TGM4: variants seen among roughly 807,000 people sequenced by gnomAD.
TGM4 encodes protein-glutamine gamma-glutamyltransferase 4.
A neutral mutation model predicts 76.3 loss-of-function variants in TGM4; 61 were observed. The observed-to-expected ratio is 0.80, with a 90% CI of 0.65 to 0.99. The LOEUF is 0.99. Ranked by LOEUF, TGM4 falls within the 50% of genes least tolerant of loss-of-function variation. TGM4 has a pLI of 0.00. For missense variants in TGM4, 794 were observed against 843.2 expected (o/e 0.94, Z 0.72); for synonymous variants, 337 against 329.8 (o/e 1.02, Z -0.24).
At chr3:44,887,000 G>A (rs1439992864) in intron 2 of TGM4, among the ~76,000 whole-genome samples, 2 of 152,216 alleles carry the variant, frequency 1.3e-5, no homozygotes, top group Non-Finnish European at 2.9e-5. Context: ...CATGTGAAGA[G>A]CTGAGAGCAG....
intron 1 of TGM4, among the ~76,000 whole-genome samples, chr3:44,883,017 T>C (rs1699554152): frequency 6.6e-6 from 1 of 152,188 alleles, no homozygotes; most frequent in South Asian, 2.1e-4. Flanking sequence ...TGCTTCCTGG[T>C]ACCAAAACCT....
intron 10 of TGM4, among the ~76,000 whole-genome samples, chr3:44,907,628 C>G (rs1238055593): frequency 1.3e-5 from 2 of 152,212 alleles, no homozygotes; most frequent in Non-Finnish European, 2.9e-5. Flanking sequence ...GAGCTGGCCT[C>G]TGGCTCCCTT....
At position 44,903,944 on chromosome 3, in the gene TGM4, C is replaced by T. The variant is rs199858526; in HGVS notation, c.1032C>T (p.Asp344=). 62 of 1,614,146 alleles carry T rather than the reference C, an allele frequency of 3.8e-5. No homozygotes were observed. In the East Asian group the frequency reaches 6.9e-4, roughly 18 times the overall value. ...MKRPDLPKGY[D]GWQAVDATPQ... ...GACCGGATCTGCCCAAGGGCTACGACGGCTGGCAGGCTGTGGACGCAACGC... is the reference window on the plus strand; with the variant it reads ...GACCGGATCTGCCCAAGGGCTACGATGGCTGGCAGGCTGTGGACGCAACGC... The change falls in exon 9 of 14, where the codon GAC becomes GAT. Residue 344 remains aspartate, a synonymous_variant. Transcript: ENST00000296125.
chr3:44,906,894 G>T, intron 9 of TGM4, 55 bp from the exon 10 acceptor site: 1 of 1,598,232 alleles, frequency 6.3e-7, no homozygotes, highest in South Asian at 1.1e-5. Context: ...ACTGGGTCCA[G>T]GCTGGGTGGG....
chr3:44,910,335 G>A lies in TGM4; in HGVS notation c.1573G>A (p.Asp525Asn), dbSNP rs1215594934. Residue 525 changes from aspartate to asparagine, a missense_variant, in exon 11 of 14, where the codon GAC becomes AAC. By Grantham distance (23) the Asp-to-Asn change is conservative. Transcript: ENST00000296125. Reference protein sequence around the residue: ...YTGKKMAKLCDLNKTSQIQGQ... With the variant: ...YTGKKMAKLCNLNKTSQIQGQ... The stretch of plus-strand genomic sequence containing the variant: ...TGGCAAGAAGATGGCAAAACTGTGT[G>A]ACCTCAATAAGACCTCGCAGATCCA... The A allele has an allele frequency of 7.4e-6, 12 of 1,614,034 alleles. No individual in the cohort carries two copies. The highest frequency in any genetic ancestry group is 1.0e-5 in the Non-Finnish European group (12 of 1,180,046).
At chr3:44,905,249 G>T (rs940650337) in intron 9 of TGM4, among the ~76,000 whole-genome samples, 5 of 151,580 alleles carry the variant, frequency 3.3e-5, no homozygotes, top group African/African-American at 1.2e-4. Flanking sequence ...GCCTCCCAAA[G>T]TGCCGGGATT....
intron 6 of TGM4, among the ~76,000 whole-genome samples, chr3:44,897,250 C>T (rs935022705): frequency 1.3e-5 from 2 of 151,908 alleles, no homozygotes; most frequent in African/African-American, 2.4e-5. Context: ...GTGATCCACC[C>T]GCCTCGGACT....
intron 6 of TGM4, among the ~76,000 whole-genome samples, chr3:44,900,025 C>G (rs763788487): frequency 3.3e-5 from 5 of 152,222 alleles, no homozygotes; most frequent in Non-Finnish European, 7.3e-5. Flanking sequence ...TGGGGACCAT[C>G]TCGGTGACTG....
intron 10 of TGM4, among the ~76,000 whole-genome samples, chr3:44,908,757 C>T (rs2089340): frequency 0.56 from 84,879 of 151,866 alleles, 24,566 homozygotes; most frequent in East Asian, 0.89. Context: ...TGAATATATT[C>T]AAAATAGCTA....
At chr3:44,888,688 T>A (rs899605145) in intron 3 of TGM4, 4 of 152,066 alleles carry the variant, frequency 2.6e-5, no homozygotes, top group Non-Finnish European at 5.9e-5. Context: ...ATAACACACA[T>A]AAAGGACACA....
intron 8 of TGM4, among the ~76,000 whole-genome samples, chr3:44,902,295 G>A (rs1326499241): frequency 6.6e-6 from 1 of 152,144 alleles, no homozygotes; most frequent in East Asian, 1.9e-4. Context: ...AATCACCTGG[G>A]GGTGATTGTT....
At position 44,877,712 on chromosome 3, in the gene TGM4, T is replaced by G. The variant is rs542031367; in HGVS notation, c.19+3015T>G. On this transcript the variant is annotated intron_variant, in intron 1 of 13. Transcript: ENST00000296125. ...AGCTTTAAAAAGGCATCTTCTCATCTTTTTGTAGGAGTATCACTGGTGCAG... is the reference window on the plus strand; with the variant it reads ...AGCTTTAAAAAGGCATCTTCTCATCGTTTTGTAGGAGTATCACTGGTGCAG... Among the ~76,000 whole-genome samples the G allele has an allele frequency of 7.2e-5, 11 of 152,364 alleles. No homozygotes were observed. The South Asian group carries it at 2.3e-3, about 32-fold the overall frequency.
At chr3:44,893,867 A>T (rs1699738056) in intron 5 of TGM4, among the ~76,000 whole-genome samples, 172 bp downstream of exon 5, 1 of 151,430 alleles carries the variant, frequency 6.6e-6, no homozygotes, top group Admixed American at 6.6e-5. Context: ...GGCTGCACAG[A>T]TGGGGTGGAG....
At chr3:44,887,916 G>T (rs1010083636) in intron 3 of TGM4, 121 bp downstream of exon 3, 2 of 831,744 alleles carry the variant, frequency 2.4e-6, no homozygotes, top group Non-Finnish European at 3.9e-6. Flanking sequence ...GCCATCCACA[G>T]CACAGCATGA....
At chr3:44,894,753 G>C (rs553860363) in intron 5 of TGM4, among the ~76,000 whole-genome samples, 1 of 152,126 alleles carries the variant, frequency 6.6e-6, no homozygotes, top group African/African-American at 2.4e-5. Context: ...GGACAGGATG[G>C]AAGTAGGGAC....
chr3:44,907,555 G>C (rs1465993911), intron 10 of TGM4, among the ~76,000 whole-genome samples: 2 of 152,126 alleles, frequency 1.3e-5, no homozygotes, highest in Non-Finnish European at 2.9e-5. Flanking sequence ...TGCTAAGACT[G>C]TCCGTTCTCC....
chr3:44,907,974 A>G (rs1346000584), intron 10 of TGM4, among the ~76,000 whole-genome samples: 1 of 152,154 alleles, frequency 6.6e-6, no homozygotes, highest in Non-Finnish European at 1.5e-5. Flanking sequence ...AATCGTAAGG[A>G]CTCATAGACG....
chr3:44,911,222 G>A (rs527875289), intron 12 of TGM4, 48 bp from the exon 13 acceptor site: 1 of 1,611,788 alleles, frequency 6.2e-7, no homozygotes, highest in South Asian at 1.1e-5. Flanking sequence ...TCCTTGGTTG[G>A]CTCATGCATA....
At chr3:44,903,814 T>G in intron 8 of TGM4, 70 bp from the exon 9 acceptor site, 1 of 1,386,824 alleles carries the variant, frequency 7.2e-7, no homozygotes, top group Non-Finnish European at 1.0e-6. Flanking sequence ...TCTCTGGCAA[T>G]TTTGGCGTAT....
Sources: gnomAD v4.1 joint callset for allele counts (sites outside exome capture counted in the v4.1 genomes callset) on GRCh38, gnomAD v4.1.1 for gene constraint, MANE v1.5 for transcripts, NCBI Gene and HGNC (gene_info 2026-07-23, HGNC 2026-07-21) for gene names.